SGCZ: variants seen among roughly 807,000 people sequenced by gnomAD.
SGCZ encodes the protein zeta-sarcoglycan.
SGCZ carries 40 observed loss-of-function variants against 41.3 expected under a neutral mutation model. The observed-to-expected ratio is 0.97, with a 90% CI of 0.75 to 1.26. The LOEUF is 1.26. SGCZ is among the 50% of genes most tolerant of loss of function. The pLI is 0.00. For synonymous variants in SGCZ, 206 were observed against 137.5 expected, an observed-to-expected ratio of 1.50 and a Z score of -3.49; for missense variants, 552 against 369.8, an observed-to-expected ratio of 1.49 and a Z score of -4.04.
intron 1 of SGCZ, among the ~76,000 whole-genome samples, chr8:14,637,865 C>T (rs965895070): frequency 4.0e-5 from 6 of 151,780 alleles, no homozygotes; most frequent in African/African-American, 1.5e-4. Flanking sequence ...TGGCTGGTAG[C>T]TTTGTTTTAA....
chr8:15,237,252 G>GCCC (rs57656728), intron 1 of SGCZ, among the ~76,000 whole-genome samples: 9,038 of 149,934 alleles, frequency 0.06, 338 homozygotes, highest in Middle Eastern at 0.18. Context: ...TGGTGCCGCT[G>GCCC]CCCCCCCCGG....
chr8:14,794,976 T>A (rs1189590023), intron 1 of SGCZ, among the ~76,000 whole-genome samples: 1 of 152,194 alleles, frequency 6.6e-6, no homozygotes, highest in East Asian at 1.9e-4. Context: ...AACATCACTT[T>A]CAGACAAATA....
intron 1 of SGCZ, among the ~76,000 whole-genome samples, chr8:14,860,542 G>T (rs918013085): frequency 7.5e-6 from 1 of 134,084 alleles, no homozygotes; most frequent in Admixed American, 7.6e-5. Context: ...AAGAATGAAA[G>T]AAAGAAAGAG....
At chr8:14,678,415 G>A (rs1200009145) in intron 1 of SGCZ, among the ~76,000 whole-genome samples, 3 of 152,134 alleles carry the variant, frequency 2.0e-5, no homozygotes, top group African/African-American at 7.2e-5. Context: ...TGTACCAATG[G>A]TAAATAACCA....
At chr8:14,263,234 C>T (rs1799737387) in intron 3 of SGCZ, among the ~76,000 whole-genome samples, 1 of 152,016 alleles carries the variant, frequency 6.6e-6, no homozygotes, top group African/African-American at 2.4e-5. Flanking sequence ...AAGCAGGACA[C>T]AGTAATATGT....
intron 2 of SGCZ, among the ~76,000 whole-genome samples, chr8:14,330,607 ATGAC>A (rs1393361408): frequency 1.3e-5 from 2 of 151,764 alleles, no homozygotes; most frequent in African/African-American, 4.8e-5. Flanking sequence ...TAAATTTAAA[ATGAC>A]TGTTTAAATT....
intron 1 of SGCZ, among the ~76,000 whole-genome samples, chr8:14,775,460 A>AGTGTGT (rs71739993): frequency 4.0e-5 from 6 of 149,210 alleles, no homozygotes; most frequent in Non-Finnish European, 7.5e-5. Flanking sequence ...AGAATATTTG[A>AGTGTGT]GTGTGTGTGT....
chr8:14,911,231 T>A (rs961570564), intron 1 of SGCZ, among the ~76,000 whole-genome samples: 3 of 152,068 alleles, frequency 2.0e-5, no homozygotes, highest in Non-Finnish European at 4.4e-5. Flanking sequence ...TGTCCACATC[T>A]GGCTTCATTA....
chr8:14,364,340 A>C (rs13252836), intron 2 of SGCZ, among the ~76,000 whole-genome samples: 29,530 of 152,042 alleles, frequency 0.19, 3,601 homozygotes, highest in Non-Finnish European at 0.28. Flanking sequence ...ATTTTGCTAC[A>C]TCCCCTTCTG....
chr8:14,290,425 G>C (rs1212866735), intron 3 of SGCZ, among the ~76,000 whole-genome samples: 2 of 151,938 alleles, frequency 1.3e-5, no homozygotes, highest in Admixed American at 1.3e-4. Context: ...GAATATATTT[G>C]ACAACTGCAC....
intron 2 of SGCZ, among the ~76,000 whole-genome samples, chr8:14,394,143 C>CT (rs75054512): frequency 0.041 from 4,821 of 116,172 alleles, 169 homozygotes; most frequent in East Asian, 0.17. Flanking sequence ...CGCCCCCCAC[C>CT]TTTTTTTTTT....
At chr8:15,129,165 C>T (rs1248471429) in intron 1 of SGCZ, among the ~76,000 whole-genome samples, 1 of 152,144 alleles carries the variant, frequency 6.6e-6, no homozygotes, top group East Asian at 1.9e-4. Context: ...GGTCAGTGAG[C>T]TTTCTGTCTG....
At chr8:14,141,876 T>C (rs1445278302) in intron 5 of SGCZ, among the ~76,000 whole-genome samples, 4 of 152,230 alleles carry the variant, frequency 2.6e-5, no homozygotes, top group African/African-American at 7.2e-5. Flanking sequence ...CGTATGTTTA[T>C]TGTGGCACTA....
intron 1 of SGCZ, among the ~76,000 whole-genome samples, chr8:14,968,510 A>G (rs79986506): frequency 0.048 from 7,340 of 152,248 alleles, 357 homozygotes; most frequent in African/African-American, 0.11. Context: ...AGAAAATAGC[A>G]TACTCCATTT....
At chr8:14,674,928 G>GTTTTTTTTTTTTTTT (rs201881681) in intron 1 of SGCZ, among the ~76,000 whole-genome samples, 2 of 70,998 alleles carry the variant, frequency 2.8e-5, no homozygotes, top group East Asian at 4.8e-4. Context: ...TTTCTTTTCT[G>GTTTTTTTTTTTTTTT]TTTTTTTTTT....
chr8:15,020,647 G>T (rs1396811396), intron 1 of SGCZ, among the ~76,000 whole-genome samples: 2 of 152,066 alleles, frequency 1.3e-5, no homozygotes, highest in Non-Finnish European at 2.9e-5. Context: ...AATATAACTG[G>T]CATGCTCCTT....
At chr8:14,448,115 C>T (rs1800486042) in intron 2 of SGCZ, among the ~76,000 whole-genome samples, 1 of 151,996 alleles carries the variant, frequency 6.6e-6, no homozygotes. Flanking sequence ...AATTAGGAGA[C>T]AGGAGATGGA....
intron 5 of SGCZ, chr8:14,161,323 T>C (rs970163609): frequency 1.3e-5 from 2 of 152,212 alleles, no homozygotes; most frequent in Non-Finnish European, 2.9e-5. Context: ...AGCATGAAGC[T>C]GTTATAAAGT....
chr8:14,886,492 T>C (rs916855301), intron 1 of SGCZ, among the ~76,000 whole-genome samples: 1 of 151,950 alleles, frequency 6.6e-6, no homozygotes, highest in Non-Finnish European at 1.5e-5. Flanking sequence ...TCAGGAGATA[T>C]TTGAACAAAC....
Sources: allele counts gnomAD v4.1 joint callset (sites outside exome capture counted in the v4.1 genomes callset), GRCh38; gene constraint gnomAD v4.1.1; transcripts MANE v1.5; gene names NCBI Gene and HGNC (gene_info 2026-07-23, HGNC 2026-07-21).